ABHD2: variants seen among roughly 807,000 people sequenced by gnomAD.
ABHD2 encodes monoacylglycerol lipase ABHD2.
ABHD2 carries 20 observed loss-of-function variants against 48.1 expected under a neutral mutation model. That is an observed-to-expected ratio of 0.42 (90% CI 0.29 to 0.60). The LOEUF (loss-of-function observed/expected upper bound fraction) is 0.60, where lower values mean the gene tolerates loss of function less well. ABHD2 is among the 20% of genes least tolerant of loss of function. The probability of loss-of-function intolerance (pLI) is 0.24; values close to 1 mark genes in which losing one functional copy is unlikely to be tolerated. For synonymous variants in ABHD2, 209 were observed against 214.2 expected, an observed-to-expected ratio of 0.98 and a Z score of 0.21; for missense variants, 405 against 550.9, an observed-to-expected ratio of 0.74 and a Z score of 2.65.
chr15:89,051,940 C>T, the ABHD2 span, among the ~76,000 whole-genome samples: 2 of 152,072 alleles, frequency 1.3e-5, no homozygotes, highest in Non-Finnish European at 2.9e-5. Flanking sequence ...GAACAGGACT[C>T]GTGAGAAGCT....
the ABHD2 span, among the ~76,000 whole-genome samples, chr15:89,064,278 G>C: frequency 3.8e-4 from 55 of 145,982 alleles, no homozygotes; most frequent in Non-Finnish European, 1.2e-4. Context: ...GGAGTGCAGT[G>C]GTGCGATCTC....
At chr15:89,131,334 T>C (rs2150844908) in intron 3 of ABHD2, among the ~76,000 whole-genome samples, 1 of 152,358 alleles carries the variant, frequency 6.6e-6, no homozygotes. Flanking sequence ...AATCCCTTCA[T>C]ACCTCCACAC....
In ABHD2 at chr15:89,201,827, G is replaced by T. The variant is rs925716709; in HGVS notation, c.*6404G>T. On this transcript the variant is annotated 3_prime_UTR_variant, in exon 11 of 11. Coordinates refer to ENST00000352732, the MANE Select transcript of ABHD2 (RefSeq NM_152924.5). Reference sequence around the variant, plus strand: ...TTGGAGAGACAGCGCAGAGCAGGGGGCGGCTTGCTCGCTGGGGGCGGGGGA... The same window carrying T: ...TTGGAGAGACAGCGCAGAGCAGGGGTCGGCTTGCTCGCTGGGGGCGGGGGA... 5.8e-6 allele frequency: 7 copies of T among 1,204,620 alleles called. No homozygotes were observed. In the South Asian group the frequency reaches 6.1e-5, roughly 11 times the overall value. 74.6% of individuals were successfully genotyped at this position (1,204,620 alleles called of 1,614,324 possible).
At chr15:89,121,374 A>G (rs2050048323) in intron 3 of ABHD2, among the ~76,000 whole-genome samples, 1 of 151,624 alleles carries the variant, frequency 6.6e-6, no homozygotes, top group Non-Finnish European at 1.5e-5. Context: ...CAGGGTAAAG[A>G]GACTGGTTTT....
rs114675079 is a variant in ABHD2 at position 89,137,985 on chromosome 15, A to C, written c.195-13692A>C. On this transcript the variant is annotated intron_variant, in intron 3 of 10. Transcript: ENST00000352732. The surrounding 1 kb of genome is among the most constrained non-coding windows in gnomAD (Gnocchi z 4.8). ...GTCCTAGTGGAGAAGGGTGAAGCCC[A>C]GTGGGATGGGCTCACGAAGGACCTG... is the stretch of plus-strand genomic sequence containing the variant. 0.012 allele frequency among the ~76,000 whole-genome samples: 1,823 copies of C among 152,324 alleles called. 39 individuals are homozygous for C. Among genetic ancestry groups the C allele is most frequent in the African/African-American group, 0.041 (1,712 of 41,574 alleles).
chr15:89,124,815 G>A (rs913013152), intron 3 of ABHD2, among the ~76,000 whole-genome samples: 15 of 152,136 alleles, frequency 9.9e-5, no homozygotes, highest in Non-Finnish European at 2.1e-4. Context: ...AGGGCTGGGC[G>A]CGGTGGCTAA....
At chr15:89,161,519 G>A (rs970661207) in intron 5 of ABHD2, among the ~76,000 whole-genome samples, 3 of 152,122 alleles carry the variant, frequency 2.0e-5, no homozygotes, top group East Asian at 3.8e-4. Flanking sequence ...TCCTGCCTCA[G>A]CCTCCCTAGT....
chr15:89,140,585 A>C (rs117690654), intron 3 of ABHD2, among the ~76,000 whole-genome samples: 148 of 152,002 alleles, frequency 9.7e-4, no homozygotes, highest in African/African-American at 1.5e-3. Context: ...AGAGACCCCC[A>C]CACACACACA....
chr15:89,132,646 A>T, intron 3 of ABHD2, among the ~76,000 whole-genome samples: 1 of 152,356 alleles, frequency 6.6e-6, no homozygotes, highest in East Asian at 1.9e-4. Flanking sequence ...GACTCTGAAT[A>T]TGCATTTCAT....
the ABHD2 span, among the ~76,000 whole-genome samples, chr15:89,079,797 G>T: frequency 6.6e-6 from 1 of 152,178 alleles, no homozygotes; most frequent in Non-Finnish European, 1.5e-5. The surrounding 1 kb of genome is among the most constrained non-coding windows in gnomAD (Gnocchi z 4.3). Flanking sequence ...TTCTAGCTCA[G>T]CATGATGGAA....
chr15:89,193,404 T>C (rs2051339616), intron 10 of ABHD2, 85 bp downstream of exon 10: 1 of 1,057,936 alleles, frequency 9.5e-7, no homozygotes, highest in Non-Finnish European at 1.5e-6. Context: ...TGTCATCTCC[T>C]GGAGACCACC....
rs1230724421 is a variant in ABHD2 at position 89,179,308 on chromosome 15, A to G, written c.722+3313A>G. On this transcript the variant is annotated intron_variant, in intron 6 of 10. Coordinates refer to ENST00000352732, the MANE Select transcript of ABHD2 (RefSeq NM_152924.5). The surrounding 1 kb of genome is among the most constrained non-coding windows in gnomAD (Gnocchi z 4.3). ...GGTCACAGTGGGCAAAGCAGTAGGG[A>G]AGCAGTGGGTGAACCTTCATCTGTA... is the stretch of plus-strand genomic sequence containing the variant. Among the ~76,000 whole-genome samples, 1 of 152,154 alleles carries G rather than the reference A, an allele frequency of 6.6e-6. No homozygotes were observed. Among genetic ancestry groups the G allele is most frequent in the Non-Finnish European group, 1.5e-5 (1 of 68,010 alleles).
chr15:89,134,936 T>G (rs556594507), intron 3 of ABHD2, among the ~76,000 whole-genome samples: 13 of 152,304 alleles, frequency 8.5e-5, no homozygotes, highest in African/African-American at 2.9e-4. Flanking sequence ...ACCTACTTTT[T>G]CCTAACATCA....
intron 5 of ABHD2, among the ~76,000 whole-genome samples, chr15:89,158,740 TCTCA>T (rs2150900753): frequency 6.6e-6 from 1 of 152,102 alleles, no homozygotes; most frequent in East Asian, 1.9e-4. Context: ...TGAGGCAGAG[TCTCA>T]CTCTGTCACC....
At chr15:89,095,076 A>AG (rs2049592128) in intron 1 of ABHD2, among the ~76,000 whole-genome samples, 5 of 151,954 alleles carry the variant, frequency 3.3e-5, no homozygotes, top group Admixed American at 2.6e-4. Flanking sequence ...AAAAAAAAAA[A>AG]AAAAAAAAAG....
At chr15:89,069,674 C>CTTTTTTCTTTTTT in the ABHD2 span, among the ~76,000 whole-genome samples, 1 of 52,898 alleles carries the variant, frequency 1.9e-5, no homozygotes, top group Non-Finnish European at 3.3e-5. Context: ...TTCATTTACT[C>CTTTTTTCTTTTTT]TTTTTTTTTT....
chr15:89,061,365 C>T, the ABHD2 span, among the ~76,000 whole-genome samples: 4 of 151,942 alleles, frequency 2.6e-5, no homozygotes, highest in African/African-American at 9.7e-5. Context: ...TTGCAGTGAG[C>T]TGAGATCACA....
chr15:89,084,496 C>T (rs1205122718), upstream of ABHD2, among the ~76,000 whole-genome samples: 1 of 152,122 alleles, frequency 6.6e-6, no homozygotes, highest in African/African-American at 2.4e-5. This position sits in a 1 kb window ranked among gnomAD's most constrained non-coding sequence, Gnocchi z 4.4. Flanking sequence ...GACGGTGTTT[C>T]GCCAATTGAC....
At position 89,189,026 on chromosome 15, in the gene ABHD2, C is replaced by G. The variant is rs149765510; in HGVS notation, c.926+723C>G. On this transcript the variant is annotated intron_variant, in intron 8 of 10. Transcript: ENST00000352732. This position sits in a 1 kb window ranked among gnomAD's most constrained non-coding sequence, Gnocchi z 4.9. The stretch of plus-strand genomic sequence containing the variant: ...CACAAATACTGCCCACTTCATTCAT[C>G]TACTCTTTATCTGCCTCTCTCCTCC... Among the ~76,000 whole-genome samples the G allele has an allele frequency of 4.5e-4, 68 of 152,358 alleles. No homozygotes were observed. The highest frequency in any genetic ancestry group is 4.3e-3 in the Admixed American group (66 of 15,304).
Sources: allele counts gnomAD v4.1 joint callset (sites outside exome capture counted in the v4.1 genomes callset), GRCh38; gene constraint gnomAD v4.1.1; non-coding constraint Gnocchi (gnomAD v3.1); transcripts MANE v1.5; gene names NCBI Gene and HGNC (gene_info 2026-07-23, HGNC 2026-07-21).